Variants in GREB1 observed in about 807,000 individuals in gnomAD.
The protein encoded by GREB1 is protein GREB1.
A neutral mutation model predicts 200.7 loss-of-function variants in GREB1; 106 were observed. The observed-to-expected ratio is 0.53, with a 90% CI of 0.45 to 0.62. The LOEUF is 0.62. Among genes scored for constraint, GREB1 ranks in the 20% least tolerant of loss-of-function variants. The probability of loss-of-function intolerance (pLI) is 0.00; values close to 1 mark genes in which losing one functional copy is unlikely to be tolerated. For synonymous variants in GREB1, 1,132 were observed against 1,092.4 expected, an observed-to-expected ratio of 1.04 and a Z score of -0.72; for missense variants, 2,243 against 2,556.8, an observed-to-expected ratio of 0.88 and a Z score of 2.65.
chr2:11,576,372 T>G lies in GREB1; in HGVS notation c.474T>G (p.Val158=). The change falls in exon 5 of 33, where the codon GTT becomes GTG. Residue 158 remains valine, a synonymous_variant. Coordinates refer to ENST00000381486, the MANE Select transcript of GREB1 (RefSeq NM_014668.4). ...CTCCAGGTTTCTCTGGGAATTGTGTTGGCTGTGGAAAGAAAGGCTTCTGTT... is the reference window on the plus strand; with the variant it reads ...CTCCAGGTTTCTCTGGGAATTGTGTGGGCTGTGGAAAGAAAGGCTTCTGTT... ...NALLGFSGNC[V]GCGKKGFCYF... is the part of the protein sequence containing the mutation. 1.2e-6 allele frequency: 2 copies of G among 1,613,540 alleles called. No homozygotes were observed. Among genetic ancestry groups the G allele is most frequent in the Non-Finnish European group, 1.7e-6 (2 of 1,179,784 alleles).
rs543012928 is a variant in GREB1 at position 11,598,781 on chromosome 2, G to A, written c.2254G>A (p.Ala752Thr). Residue 752 changes from alanine to threonine, a missense_variant, in exon 15 of 33, where the codon GCT becomes ACT. This residue lies in a region of GREB1 where 1,178 missense variants were observed against 1,387.4 expected (regional missense o/e 0.85). Transcript: ENST00000381486. Reference sequence around the variant, plus strand: ...CACGGAGGCACAGACAAAATTTAAGGCTTTTCTGCAAAACTCCTTCCAGAA... The same window carrying A: ...CACGGAGGCACAGACAAAATTTAAGACTTTTCTGCAAAACTCCTTCCAGAA... ...LDTEAQTKFKAFLQNSFQNPH... is the reference protein window; with the variant it reads ...LDTEAQTKFKTFLQNSFQNPH... 1.2e-6 allele frequency: 2 copies of A among 1,614,168 alleles called. No homozygotes were observed. Among genetic ancestry groups the A allele is most frequent in the Admixed American group, 3.3e-5 (2 of 60,018 alleles).
At position 11,614,058 on chromosome 2, in the gene GREB1, G is replaced by T. The variant is rs374203651; in HGVS notation, c.3123-1033G>T. Among the ~76,000 whole-genome samples, 9 of 151,818 alleles carry T rather than the reference G, an allele frequency of 5.9e-5. No homozygotes were observed. The East Asian group carries it at 1.5e-3, about 26-fold the overall frequency. On this transcript the variant is annotated intron_variant, in intron 19 of 32. Coordinates refer to ENST00000381486, the MANE Select transcript of GREB1 (RefSeq NM_014668.4). The stretch of plus-strand genomic sequence containing the variant: ...TTTCTAGCATCTAGTACCCTGGCCT[G>T]TGTTCACTTGGATTGAATAATTAAA...
intron 19 of GREB1, among the ~76,000 whole-genome samples, chr2:11,612,890 A>T (rs922531096): frequency 6.6e-6 from 1 of 152,048 alleles, no homozygotes; most frequent in African/African-American, 2.4e-5. Flanking sequence ...TGGAGTCAGG[A>T]TTTCATGCCT....
intron 11 of GREB1, among the ~76,000 whole-genome samples, chr2:11,594,197 A>G (rs1222196116): frequency 6.6e-6 from 1 of 151,590 alleles, no homozygotes; most frequent in African/African-American, 2.4e-5. Flanking sequence ...TTTGGTAGAG[A>G]CAGGGTTTTG....
At chr2:11,514,563 G>A (rs1673435421) in intron 1 of GREB1, among the ~76,000 whole-genome samples, 1 of 152,216 alleles carries the variant, frequency 6.6e-6, no homozygotes, top group Non-Finnish European at 1.5e-5. Context: ...CAAAGAGGAG[G>A]GGTGTTGATT....
At chr2:11,638,390 C>T (rs1344366146) in intron 31 of GREB1, among the ~76,000 whole-genome samples, 1 of 152,206 alleles carries the variant, frequency 6.6e-6, no homozygotes, top group Non-Finnish European at 1.5e-5. Context: ...ATCCACCCGC[C>T]TCGGCCTCCC....
rs529959020 is a variant in GREB1 at position 11,640,400 on chromosome 2, C to T, written c.5796C>T (p.Thr1932=). The T allele has an allele frequency of 3.1e-6, 5 of 1,614,230 alleles. No individual in the cohort carries two copies. The South Asian group carries it at 5.5e-5, about 18-fold the overall frequency. The part of the protein sequence containing the change: ...WQFRLRDEFQ[T]ANAREDRPLF... ...TCCGGCTGCGCGATGAGTTCCAGAC[C>T]GCCAATGCCAGGGAAGACCGGCCGC... Residue 1932 remains threonine (T), a synonymous_variant, in exon 33 of 33, where the codon ACC becomes ACT. Transcript: ENST00000381486. This position sits in a 1 kb window ranked among gnomAD's most constrained non-coding sequence, Gnocchi z 4.6.
Position 11,580,784 on chromosome 2 carries a change from C to G in GREB1, c.853C>G (p.Gln285Glu). ...FNGKDSPKCQ[Q>E]LAKNNLLALP... Reference sequence around the variant, plus strand: ...CGGCAAAGATTCCCCGAAGTGCCAACAACTGGCAAAGAATAACCTGTTGGC... The same window carrying G: ...CGGCAAAGATTCCCCGAAGTGCCAAGAACTGGCAAAGAATAACCTGTTGGC... The change falls in exon 7 of 33, where the codon CAA becomes GAA. Residue 285 changes from glutamine (Q) to glutamate (E), a missense_variant. Transcript: ENST00000381486. The surrounding 1 kb of genome is among the most constrained non-coding windows in gnomAD (Gnocchi z 4.5). 6.2e-7 allele frequency: 1 copy of G among 1,614,234 alleles called. No individual in the cohort carries two copies. The highest frequency in any genetic ancestry group is 8.5e-7 in the Non-Finnish European group (1 of 1,180,036).
intron 1 of GREB1, among the ~76,000 whole-genome samples, chr2:11,483,463 C>T (rs1672567619): frequency 6.6e-6 from 1 of 150,428 alleles, no homozygotes; most frequent in Non-Finnish European, 1.5e-5. Context: ...GTGTATCTGC[C>T]TCTGTGTTTA....
intron 1 of GREB1, 34 bp downstream of exon 1, chr2:11,534,288 C>G (rs967305560): frequency 3.3e-5 from 5 of 152,060 alleles, no homozygotes; most frequent in Non-Finnish European, 7.4e-5. Flanking sequence ...GGTGTGTGTG[C>G]GCCTTTTGTA....
rs1335297556 is a variant in GREB1, at chr2:11,641,841, A to G, written c.*1387A>G. 3 of 152,262 alleles carry G rather than the reference A, an allele frequency of 2.0e-5. No individual in the cohort carries two copies. Among genetic ancestry groups the G allele is most frequent in the African/African-American group, 7.2e-5 (3 of 41,444 alleles). 9.4% of individuals were successfully genotyped at this position (152,262 alleles called of 1,614,324 possible). A position where few individuals can be genotyped will look rare whatever the true frequency, so the allele number is the denominator to read the frequency against. On this transcript the variant is annotated 3_prime_UTR_variant, in exon 33 of 33. Coordinates refer to ENST00000381486, the MANE Select transcript of GREB1 (RefSeq NM_014668.4). ...GCCACCCATTGCCCGGCGCCTGGAC[A>G]GTGATCATCTTGTTCATCTTGTTCA...
chr2:11,635,403 A>G lies in GREB1; in HGVS notation c.5344A>G (p.Lys1782Glu), dbSNP rs1264829698. The G allele has an allele frequency of 1.9e-6, 3 of 1,607,318 alleles. No individual in the cohort carries two copies. The highest frequency in any genetic ancestry group is 1.7e-5 in the Admixed American group (1 of 59,546). The change falls in exon 30 of 33, where the codon AAG (lysine) becomes GAG (glutamate). Residue 1782 changes from lysine to glutamate, a missense_variant and splice_region_variant. By Grantham distance (56) the Lys-to-Glu change is moderately conservative. Transcript: ENST00000381486. The part of the protein sequence containing the change: ...GGHRSFHITS[K>E]VSDNSAAVVP... ...CCACAGGTCCTTCCACATCACATCCAAGGTGAGCTCCTCGCTGCTGGGCAG... is the reference window on the plus strand; with the variant it reads ...CCACAGGTCCTTCCACATCACATCCGAGGTGAGCTCCTCGCTGCTGGGCAG...
chr2:11,580,892 G>T lies in GREB1; in HGVS notation c.901+60G>T, dbSNP rs1486648077. ...TGCTCTTCTTTGGGCCAAGGCCAGAGGGGGCATGGGAGCTGCTGGGCTGGG... is the reference window on the plus strand; with the variant it reads ...TGCTCTTCTTTGGGCCAAGGCCAGATGGGGCATGGGAGCTGCTGGGCTGGG... On this transcript the variant is annotated intron_variant, in intron 7 of 32. Transcript: ENST00000381486. The surrounding 1 kb of genome is among the most constrained non-coding windows in gnomAD (Gnocchi z 4.5). 1.2e-6 allele frequency: 2 copies of T among 1,605,850 alleles called. No homozygotes were observed. Among genetic ancestry groups the T allele is most frequent in the Admixed American group, 3.3e-5 (2 of 59,732 alleles).
intron 1 of GREB1, among the ~76,000 whole-genome samples, chr2:11,550,540 G>A (rs1313317598): frequency 6.6e-6 from 1 of 152,200 alleles, no homozygotes; most frequent in Non-Finnish European, 1.5e-5. Flanking sequence ...GGAAAGGGCT[G>A]CTCGGGAAGG....
At chr2:11,507,737 G>A (rs1673223612) in intron 1 of GREB1, among the ~76,000 whole-genome samples, 1 of 152,154 alleles carries the variant, frequency 6.6e-6, no homozygotes, top group Admixed American at 6.5e-5. Flanking sequence ...CTGGTTGCCT[G>A]GTGCCCCCAA....
At chr2:11,600,580 G>T (rs767261429) in intron 15 of GREB1, among the ~76,000 whole-genome samples, 34 of 152,106 alleles carry the variant, frequency 2.2e-4, no homozygotes, top group Non-Finnish European at 4.1e-4. Flanking sequence ...ACCGTCCCAC[G>T]CCAGACACAT....
In GREB1 at chr2:11,566,557, C is replaced by T. The variant is rs1432882676; in HGVS notation, c.355C>T (p.Leu119Phe). The change falls in exon 4 of 33, where the codon CTC (leucine) becomes TTC (phenylalanine). Residue 119 changes from leucine to phenylalanine, a missense_variant. By Grantham distance (22) the Leu-to-Phe change is conservative (BLOSUM62 0). Around this residue, in one of 3 missense-constraint regions of GREB1, gnomAD observed 1,178 missense variants for 1,387.4 expected, o/e 0.85. Coordinates refer to ENST00000381486, the MANE Select transcript of GREB1 (RefSeq NM_014668.4). ...CATGGATGTCCCTGCGGGCTTTCTC[C>T]TCGTGGGGGTCAAGTCCCCCAGCCT... Reference protein sequence around the residue: ...EPMDVPAGFLLVGVKSPSLPD... With the variant: ...EPMDVPAGFLFVGVKSPSLPD... The T allele has an allele frequency of 3.7e-6, 6 of 1,614,102 alleles. 1 individual carries two copies. The South Asian group carries it at 5.5e-5, about 15-fold the overall frequency.
At chr2:11,524,712 T>C (rs141929631) in intron 1 of GREB1, among the ~76,000 whole-genome samples, 265 of 152,336 alleles carry the variant, frequency 1.7e-3, no homozygotes, top group African/African-American at 6.1e-3. Context: ...CTTCACTGGT[T>C]GCATGGATGC....
Position 11,618,511 on chromosome 2 carries a change from G to A in GREB1, c.3636G>A (p.Gln1212=), listed in dbSNP as rs750700207. The A allele has an allele frequency of 3.1e-6, 5 of 1,611,812 alleles. No individual in the cohort carries two copies. Among genetic ancestry groups the A allele is most frequent in the Non-Finnish European group, 4.2e-6 (5 of 1,179,570 alleles). ...CSLRTGQRSV[Q]VSVTSSCSQL... Reference sequence around the variant, plus strand: ...TCAGGACCGGCCAGAGGAGCGTCCAGGTGTCGGTCACCTCGTCGTGCTCCC... The same window carrying A: ...TCAGGACCGGCCAGAGGAGCGTCCAAGTGTCGGTCACCTCGTCGTGCTCCC... The change falls in exon 22 of 33, where the codon CAG becomes CAA. Residue 1212 remains glutamine, a synonymous_variant. Coordinates refer to ENST00000381486, the MANE Select transcript of GREB1 (RefSeq NM_014668.4).
Sources: allele counts gnomAD v4.1 joint callset (sites outside exome capture counted in the v4.1 genomes callset), GRCh38; gene constraint gnomAD v4.1.1; regional missense constraint gnomAD v4.1.1; non-coding constraint Gnocchi (gnomAD v3.1); transcripts MANE v1.5; gene names NCBI Gene and HGNC (gene_info 2026-07-23, HGNC 2026-07-21).